CCDC60: variants seen among roughly 807,000 people sequenced by gnomAD.
CCDC60 encodes the protein coiled-coil domain-containing protein 60.
CCDC60 carries 54 observed loss-of-function variants against 63.5 expected under a neutral mutation model. The observed-to-expected ratio is 0.85, with a 90% CI of 0.68 to 1.07. CCDC60 has a LOEUF of 1.07. CCDC60 is among the 50% of genes least tolerant of loss of function. The pLI is 0.00. For synonymous variants in CCDC60, 206 were observed against 238.8 expected, an observed-to-expected ratio of 0.86 and a Z score of 1.27; for missense variants, 651 against 684.3, an observed-to-expected ratio of 0.95 and a Z score of 0.54.
chr12:119,479,281 A>G, intron 4 of CCDC60, 80 bp downstream of exon 4: 1 of 942,422 alleles, frequency 1.1e-6, no homozygotes, highest in Non-Finnish European at 1.7e-6. Flanking sequence ...ACGAGCTGTC[A>G]TGTCAGTAGC....
chr12:119,523,552 G>A lies in CCDC60; in HGVS notation c.1104-141G>A, dbSNP rs1952589824. The A allele has an allele frequency of 3.7e-6, 4 of 1,085,252 alleles. No homozygotes were observed. The East Asian group carries it at 7.6e-5, about 21-fold the overall frequency. 67.2% of individuals were successfully genotyped at this position (1,085,252 alleles called of 1,614,324 possible). On this transcript the variant is annotated intron_variant, in intron 10 of 13. Coordinates refer to ENST00000327554, the MANE Select transcript of CCDC60 (RefSeq NM_178499.5). ...AGGGAGATGCTTAGGGAGGCTCCAGGTGAGGGCAGAGAACCCAGGTGGCTA... is the reference window on the plus strand; with the variant it reads ...AGGGAGATGCTTAGGGAGGCTCCAGATGAGGGCAGAGAACCCAGGTGGCTA...
At chr12:119,335,353 A>G in intron 1 of CCDC60, 87 bp downstream of exon 1, 2 of 998,520 alleles carry the variant, frequency 2.0e-6, no homozygotes, top group Non-Finnish European at 3.0e-6. Flanking sequence ...TTCTAGTTCT[A>G]GATCCCTGAG....
At chr12:119,374,068 G>GA (rs1955927319) in intron 1 of CCDC60, among the ~76,000 whole-genome samples, 1 of 151,988 alleles carries the variant, frequency 6.6e-6, no homozygotes, top group South Asian at 2.1e-4. Flanking sequence ...GCCAGAGGGA[G>GA]AAAACCTATG....
intron 12 of CCDC60, among the ~76,000 whole-genome samples, chr12:119,529,312 A>T (rs988794810): frequency 1.3e-5 from 2 of 152,120 alleles, no homozygotes; most frequent in African/African-American, 4.8e-5. Context: ...TGAAAGATAC[A>T]TATTAACCCC....
intron 1 of CCDC60, among the ~76,000 whole-genome samples, chr12:119,406,436 A>G (rs1298791033): frequency 6.6e-6 from 1 of 152,036 alleles, no homozygotes; most frequent in Admixed American, 6.6e-5. Flanking sequence ...TTGAAGTTTT[A>G]TTTTCATCCC....
intron 5 of CCDC60, among the ~76,000 whole-genome samples, chr12:119,497,120 G>A (rs980202740): frequency 2.0e-5 from 3 of 152,090 alleles, no homozygotes; most frequent in Non-Finnish European, 2.9e-5. Context: ...TCATCTACCC[G>A]AAGTCCCACA....
intron 2 of CCDC60, among the ~76,000 whole-genome samples, chr12:119,465,230 G>A (rs563449885): frequency 2.3e-4 from 35 of 151,852 alleles, no homozygotes; most frequent in East Asian, 7.8e-4. Context: ...GGAGAATGGC[G>A]TGGAACCCGG....
At chr12:119,528,079 A>G (rs1952741034) in intron 11 of CCDC60, among the ~76,000 whole-genome samples, 1 of 152,114 alleles carries the variant, frequency 6.6e-6, no homozygotes, top group Non-Finnish European at 1.5e-5. Context: ...TTAGAGCCTT[A>G]GAGAAGAATT....
chr12:119,428,633 A>G (rs752917412), intron 1 of CCDC60, 50 bp from the exon 2 acceptor site: 1 of 1,277,370 alleles, frequency 7.8e-7, no homozygotes, highest in Non-Finnish European at 1.1e-6. Context: ...CTCCATTTGG[A>G]AGCATTGTAT....
At chr12:119,440,695 G>C (rs930938055) in intron 2 of CCDC60, among the ~76,000 whole-genome samples, 2 of 152,122 alleles carry the variant, frequency 1.3e-5, no homozygotes, top group Admixed American at 6.6e-5. Context: ...ACCTGTGAGG[G>C]AGTGGGAATA....
At chr12:119,496,024 C>A (rs574064584) in intron 5 of CCDC60, among the ~76,000 whole-genome samples, 1 of 152,084 alleles carries the variant, frequency 6.6e-6, no homozygotes, top group Non-Finnish European at 1.5e-5. Flanking sequence ...TTGCATGGCT[C>A]CTCCACTGTG....
At chr12:119,414,857 GT>G (rs1354563930) in intron 1 of CCDC60, among the ~76,000 whole-genome samples, 11 of 152,164 alleles carry the variant, frequency 7.2e-5, no homozygotes, top group African/African-American at 2.7e-4. Flanking sequence ...CTGAAACCTA[GT>G]TTTAAATGCA....
intron 1 of CCDC60, among the ~76,000 whole-genome samples, chr12:119,346,785 TTTC>T (rs1370633785): frequency 7.5e-5 from 6 of 79,874 alleles, no homozygotes; most frequent in African/African-American, 3.2e-4. Flanking sequence ...TCTTTCTTTC[TTTC>T]TTTCTTTCTT....
chr12:119,539,978 C>A (rs1953111480), intron 13 of CCDC60, among the ~76,000 whole-genome samples: 1 of 152,178 alleles, frequency 6.6e-6, no homozygotes, highest in African/African-American at 2.4e-5. Context: ...AGGCAACACC[C>A]CACCCTGCTT....
chr12:119,523,619 C>CCAGAGTGGGA, intron 10 of CCDC60, 74 bp from the exon 11 acceptor site: 2 of 1,592,090 alleles, frequency 1.3e-6, no homozygotes, highest in Non-Finnish European at 8.6e-7. Context: ...CTAAGGGGGG[C>CCAGAGTGGGA]CAGAGTGGGA....
intron 5 of CCDC60, among the ~76,000 whole-genome samples, chr12:119,499,407 G>A (rs1951793112): frequency 6.6e-6 from 1 of 152,208 alleles, no homozygotes; most frequent in Admixed American, 6.5e-5. Context: ...CACTAGTGAG[G>A]AGCCCTGAAG....
intron 2 of CCDC60, chr12:119,433,733 T>C (rs527656334): frequency 3.2e-6 from 2 of 615,742 alleles, no homozygotes; most frequent in African/African-American, 3.7e-5. Context: ...GTCTCTTGGA[T>C]TTTTGTTTAA....
chr12:119,435,931 A>G (rs2136246539), intron 2 of CCDC60, among the ~76,000 whole-genome samples: 1 of 152,310 alleles, frequency 6.6e-6, no homozygotes, highest in East Asian at 1.9e-4. Flanking sequence ...AGCTGGCTCT[A>G]GGCAGGTCTA....
chr12:119,377,666 G>T (rs930595920), intron 1 of CCDC60, among the ~76,000 whole-genome samples: 2 of 152,012 alleles, frequency 1.3e-5, no homozygotes, highest in African/African-American at 2.4e-5. Flanking sequence ...CCACTTCTAC[G>T]CACAACTAGC....
Sources: gnomAD v4.1 joint callset for allele counts (sites outside exome capture counted in the v4.1 genomes callset) on GRCh38, gnomAD v4.1.1 for gene constraint, MANE v1.5 for transcripts, NCBI Gene and HGNC (gene_info 2026-07-23, HGNC 2026-07-21) for gene names.